The following SV2C variants were observed in gnomAD, a reference collection of about 807,000 sequenced individuals.
SV2C encodes the protein solute carrier family 22 member B3.
SV2C carries 49 observed loss-of-function variants against 79.7 expected under a neutral mutation model. The ratio of observed to expected loss-of-function variants is 0.61; its 90% confidence interval spans 0.49 to 0.78. SV2C has a LOEUF of 0.78. SV2C is among the 30% of genes least tolerant of loss of function. SV2C has a pLI of 0.00. For missense variants in SV2C, 833 were observed against 912.9 expected (o/e 0.91, Z 1.13); for synonymous variants, 334 against 333.2 (o/e 1.00, Z -0.03).
At chr5:76,146,290 G>A (rs1453889942) in intron 2 of SV2C, among the ~76,000 whole-genome samples, 1 of 152,174 alleles carries the variant, frequency 6.6e-6, no homozygotes, top group Non-Finnish European at 1.5e-5. Context: ...GTAAAAGCAA[G>A]TTTATTAAGA....
chr5:75,953,186 G>T, the SV2C span, among the ~76,000 whole-genome samples: 1 of 151,878 alleles, frequency 6.6e-6, no homozygotes, highest in Non-Finnish European at 1.5e-5. Context: ...GAGGGGCCAG[G>T]CTCTTTTTAA....
At chr5:76,127,930 C>T (rs1365138991) in intron 1 of SV2C, among the ~76,000 whole-genome samples, 2 of 152,186 alleles carry the variant, frequency 1.3e-5, no homozygotes, top group Non-Finnish European at 2.9e-5. Flanking sequence ...TCCCGCCCTG[C>T]TCCCTGACTC....
intron 2 of SV2C, among the ~76,000 whole-genome samples, chr5:76,150,563 C>T (rs1316196187): frequency 6.7e-6 from 1 of 149,666 alleles, no homozygotes; most frequent in Non-Finnish European, 1.5e-5. Context: ...CAAAATTTAG[C>T]AGTTCTCACA....
chr5:76,030,137 C>G, the SV2C span, among the ~76,000 whole-genome samples: 4 of 151,942 alleles, frequency 2.6e-5, no homozygotes, highest in South Asian at 8.3e-4. Flanking sequence ...TTCTGAGTAA[C>G]TAACAAAGGC....
At chr5:75,928,064 T>C in the SV2C span, among the ~76,000 whole-genome samples, 1 of 152,190 alleles carries the variant, frequency 6.6e-6, no homozygotes, top group African/African-American at 2.4e-5. Flanking sequence ...TAAAATATAA[T>C]TTTTTAGCCT....
At chr5:75,884,456 T>C in the SV2C span, among the ~76,000 whole-genome samples, 1 of 152,282 alleles carries the variant, frequency 6.6e-6, no homozygotes, top group East Asian at 1.9e-4. Flanking sequence ...CATTACATCA[T>C]AGGATAATGG....
At chr5:75,876,550 C>G in the SV2C span, among the ~76,000 whole-genome samples, 1 of 151,980 alleles carries the variant, frequency 6.6e-6, no homozygotes, top group African/African-American at 2.4e-5. Flanking sequence ...CAAACCTTCA[C>G]GTGTACCCTC....
At chr5:76,303,620 C>A (rs972849958) in intron 12 of SV2C, among the ~76,000 whole-genome samples, 5 of 151,914 alleles carry the variant, frequency 3.3e-5, no homozygotes, top group African/African-American at 1.2e-4. Context: ...TGAGTATTCA[C>A]CTAGGACAAA....
At chr5:76,131,265 T>A (rs1435453868) in intron 1 of SV2C, among the ~76,000 whole-genome samples, 2 of 152,210 alleles carry the variant, frequency 1.3e-5, no homozygotes, top group African/African-American at 4.8e-5. Context: ...TTTGTACGTG[T>A]CTGTGAGCAA....
chr5:76,048,116 A>G, the SV2C span, among the ~76,000 whole-genome samples: 1 of 151,998 alleles, frequency 6.6e-6, no homozygotes, highest in Admixed American at 6.6e-5. Flanking sequence ...AATACATACA[A>G]TTTTTTCTGT....
intron 9 of SV2C, among the ~76,000 whole-genome samples, chr5:76,296,438 C>T (rs1207448771): frequency 2.0e-5 from 3 of 152,124 alleles, no homozygotes; most frequent in Admixed American, 6.5e-5. Context: ...AATTAGAGAA[C>T]AGGAATCATT....
chr5:75,939,324 T>G, the SV2C span, among the ~76,000 whole-genome samples: 1 of 152,038 alleles, frequency 6.6e-6, no homozygotes, highest in Non-Finnish European at 1.5e-5. Context: ...TCCTGGAGTG[T>G]AGAGGGCCAC....
chr5:76,194,268 T>G (rs1744199255), intron 2 of SV2C, among the ~76,000 whole-genome samples: 1 of 152,202 alleles, frequency 6.6e-6, no homozygotes, highest in African/African-American at 2.4e-5. Context: ...ACTTTCTGAT[T>G]TGTAGGCATT....
the SV2C span, among the ~76,000 whole-genome samples, chr5:75,998,180 G>A: frequency 8.5e-5 from 13 of 152,156 alleles, no homozygotes; most frequent in East Asian, 1.9e-4. Flanking sequence ...ATCACACACC[G>A]GGGCCTGATA....
the SV2C span, among the ~76,000 whole-genome samples, chr5:75,906,568 G>A: frequency 7.2e-5 from 11 of 152,080 alleles, no homozygotes; most frequent in Non-Finnish European, 1.2e-4. Flanking sequence ...TATGTCAAGA[G>A]TCTACTTTAG....
chr5:76,107,530 A>G (rs1747958007), intron 1 of SV2C, among the ~76,000 whole-genome samples: 1 of 152,240 alleles, frequency 6.6e-6, no homozygotes, highest in Non-Finnish European at 1.5e-5. Context: ...AGAATTGATT[A>G]CAGCAGTTAC....
Position 76,167,981 on chromosome 5 carries a change from C to A in SV2C, c.581-26938C>A, listed in dbSNP as rs544964665. On this transcript the variant is annotated intron_variant, in intron 2 of 12. Coordinates refer to ENST00000502798, the MANE Select transcript of SV2C (RefSeq NM_014979.4). ...GAATCCACATTCATGGATATAGCTT[C>A]TAATTGCTTTCTTCTTCCTTGCAAT... Among the ~76,000 whole-genome samples, 16 of 152,324 alleles carry A rather than the reference C, an allele frequency of 1.1e-4. No homozygotes were observed. In the South Asian group the frequency reaches 2.9e-3, roughly 28 times the overall value.
the SV2C span, among the ~76,000 whole-genome samples, chr5:75,915,854 C>T: frequency 6.6e-6 from 1 of 152,050 alleles, no homozygotes; most frequent in African/African-American, 2.4e-5. Flanking sequence ...TGAAGAGGGG[C>T]AACTGGTCAA....
chr5:76,082,528 C>T (rs1165220280), upstream of SV2C: 2 of 151,942 alleles, frequency 1.3e-5, no homozygotes, highest in Non-Finnish European at 2.9e-5. Context: ...CTCTCTCTCT[C>T]TTCTCTCCTC....
Sources: gnomAD v4.1 joint callset for allele counts (sites outside exome capture counted in the v4.1 genomes callset) on GRCh38, gnomAD v4.1.1 for gene constraint, MANE v1.5 for transcripts, NCBI Gene and HGNC (gene_info 2026-07-23, HGNC 2026-07-21) for gene names.